Variants in ADAM8 observed in about 807,000 individuals in gnomAD.
ADAM8 encodes the protein ADAM metallopeptidase domain 8, also known as disintegrin and metalloproteinase domain-containing protein 8.
A neutral mutation model predicts 102.4 loss-of-function variants in ADAM8; 104 were observed. The observed-to-expected ratio is 1.02, with a 90% confidence interval of 0.87 to 1.20. ADAM8 has a LOEUF of 1.20. Ranked by LOEUF, ADAM8 falls within the 50% of genes most tolerant of loss-of-function variation. The probability of loss-of-function intolerance (pLI) is 0.00; values close to 1 mark genes in which losing one functional copy is unlikely to be tolerated. For missense variants in ADAM8, 1,132 were observed against 1,159.0 expected, an observed-to-expected ratio of 0.98 and a Z score of 0.34; for synonymous variants, 517 against 485.2, an observed-to-expected ratio of 1.07 and a Z score of -0.86.
chr10:133,265,628 GA>G (rs988619873), intron 21 of ADAM8, among the ~76,000 whole-genome samples: 5 of 148,668 alleles, frequency 3.4e-5, no homozygotes, highest in African/African-American at 9.9e-5. Flanking sequence ...CGTCTCTACT[GA>G]AAAAAAAAAT....
chr10:133,274,139 C>A lies in ADAM8; in HGVS notation c.227+20G>T. On this transcript the variant is annotated intron_variant, in intron 3 of 22. Coordinates refer to ENST00000445355, the MANE Select transcript of ADAM8 (RefSeq NM_001109.5). ...CTGGAGCCAGGCCCGGGCAGGGGGG[C>A]CGACCCGAGACCCACTCACCTGTTC... The A allele has an allele frequency of 6.3e-7, 1 of 1,581,346 alleles. No homozygotes were observed.
chr10:133,269,078 G>C (rs777302854), intron 18 of ADAM8: 12 of 985,370 alleles, frequency 1.2e-5, no homozygotes, highest in Non-Finnish European at 1.4e-5. Context: ...TGTGGGCACG[G>C]CTGTGCCTTT....
chr10:133,263,152 C>T lies in ADAM8; in HGVS notation c.*4G>A. ...CAAATTTCCACACAGGCGCAGGTGC[C>T]CCCCTAGGGTGCTGTGGGAGCTCCG... On this transcript the variant is annotated 3_prime_UTR_variant, in exon 23 of 23. Coordinates refer to ENST00000445355, the MANE Select transcript of ADAM8 (RefSeq NM_001109.5). 1.2e-6 allele frequency: 2 copies of T among 1,614,000 alleles called. No homozygotes were observed. The highest frequency in any genetic ancestry group is 1.7e-6 in the Non-Finnish European group (2 of 1,179,912).
Position 133,272,842 on chromosome 10 carries a change from C to T in ADAM8, c.661G>A (p.Ala221Thr), listed in dbSNP as rs1846594148. The T allele has an allele frequency of 6.2e-7, 1 of 1,611,278 alleles. No homozygotes were observed. The highest frequency in any genetic ancestry group is 8.5e-7 in the Non-Finnish European group (1 of 1,178,866). Residue 221 changes from alanine (A) to threonine (T), a missense_variant, in exon 8 of 23, where the codon GCC becomes ACC. Coordinates refer to ENST00000445355, the MANE Select transcript of ADAM8 (RefSeq NM_001109.5). ...AEFQMLGSEA[A>T]VRHRVLEVVN... Reference sequence around the variant, plus strand: ...ACCTCCAGCACCCGATGACGCACGGCTGCTTCGCTCCCCAGCATCTGGAAC... The same window carrying T: ...ACCTCCAGCACCCGATGACGCACGGTTGCTTCGCTCCCCAGCATCTGGAAC...
chr10:133,269,304 T>C (rs1241033215), intron 18 of ADAM8, 141 bp downstream of exon 18: 3 of 1,272,106 alleles, frequency 2.4e-6, no homozygotes, highest in Non-Finnish European at 3.1e-6. Flanking sequence ...GCTCTGCCTA[T>C]ACCTGTGTGT....
intron 21 of ADAM8, 21 bp downstream of exon 21, chr10:133,267,331 C>G (rs368644961): frequency 1.3e-5 from 21 of 1,599,800 alleles, no homozygotes; most frequent in South Asian, 5.7e-5. Context: ...AAGGCTTGGC[C>G]GCCCAATCAC....
intron 1 of ADAM8, 30 bp downstream of exon 1, chr10:133,276,742 C>G (rs1473283933): frequency 6.5e-7 from 1 of 1,530,716 alleles, no homozygotes; most frequent in Non-Finnish European, 8.8e-7. Flanking sequence ...CCCCGCGCTG[C>G]GCCCGGGACG....
At chr10:133,274,796 CTGG>C (rs1278889607) in intron 2 of ADAM8, 17 of 404,592 alleles carry the variant, frequency 4.2e-5, no homozygotes, top group Non-Finnish European at 7.5e-5. Context: ...GCTGCCGGAC[CTGG>C]TGGTGCCTGC....
In ADAM8 at chr10:133,269,462, A is replaced by G. The variant is rs751981320; in HGVS notation, c.1931T>C (p.Leu644Pro). 3 of 1,599,490 alleles carry G rather than the reference A, an allele frequency of 1.9e-6. No homozygotes were observed. Among genetic ancestry groups the G allele is most frequent in the Non-Finnish European group, 8.5e-7 (1 of 1,177,506 alleles). The change falls in exon 18 of 23, where the codon CTG becomes CCG. Residue 644 changes from leucine (L) to proline (P), a missense_variant. Coordinates refer to ENST00000445355, the MANE Select transcript of ADAM8 (RefSeq NM_001109.5). ...GWAPPHCAKL[L>P]TEVHAASGSL... ...AGGCCTACCTGCGTGCACCTCAGTC[A>G]GCAGCTTCGCGCAGTGGGGCGGGGC...
Position 133,267,950 on chromosome 10 carries a change from A to G in ADAM8, c.2232T>C (p.Ala744=), listed in dbSNP as rs1846378114. ...QPARHPASSV[A]LKRPPPAPPV... is the part of the protein sequence containing the mutation. ...TTACAGCAGGGGGCGGCCTCTTCAG[A>G]GCCACCGAGGAGGCCGGGTGTCGGG... The change falls in exon 20 of 23, where the codon GCT becomes GCC. Residue 744 remains alanine (A), a synonymous_variant. Coordinates refer to ENST00000445355, the MANE Select transcript of ADAM8 (RefSeq NM_001109.5). The G allele has an allele frequency of 1.6e-6, 2 of 1,261,028 alleles. No individual in the cohort carries two copies. Among genetic ancestry groups the G allele is most frequent in the Non-Finnish European group, 2.0e-6 (2 of 996,666 alleles). The allele number at this position is 1,261,028 out of a possible 1,614,324, so 78.1% of individuals were successfully genotyped here. A position where few individuals can be genotyped will look rare whatever the true frequency, so the allele number is the denominator to read the frequency against.
At chr10:133,276,653 G>C in intron 1 of ADAM8, 119 bp downstream of exon 1, 1 of 1,398,138 alleles carries the variant, frequency 7.2e-7, no homozygotes, top group African/African-American at 1.5e-5. Flanking sequence ...GGACCAGCCC[G>C]AAGCCGGGCC....
chr10:133,272,672 A>C (rs532915241), intron 8 of ADAM8, 87 bp from the exon 9 acceptor site: 17 of 1,538,406 alleles, frequency 1.1e-5, no homozygotes, highest in Non-Finnish European at 1.2e-5. Context: ...CACCTGTCCC[A>C]CGGCGAGGTG....
chr10:133,275,129 G>C (rs929539650), intron 2 of ADAM8: 27 of 295,330 alleles, frequency 9.1e-5, no homozygotes, highest in Non-Finnish European at 1.6e-4. Flanking sequence ...CCCCCGCCAG[G>C]CCCCCCCCCC....
chr10:133,274,045 T>C lies in ADAM8; in HGVS notation c.228-16A>G. On this transcript the variant is annotated splice_polypyrimidine_tract_variant and intron_variant, in intron 3 of 22. Coordinates refer to ENST00000445355, the MANE Select transcript of ADAM8 (RefSeq NM_001109.5). ...CAGCAGGTCCCTGGAAAAGAAGTGCTGTGACTGCCTCGGCCCCCTCGGTGC... is the reference window on the plus strand; with the variant it reads ...CAGCAGGTCCCTGGAAAAGAAGTGCCGTGACTGCCTCGGCCCCCTCGGTGC... 6.2e-7 allele frequency: 1 copy of C among 1,601,872 alleles called. No individual in the cohort carries two copies. Among genetic ancestry groups the C allele is most frequent in the Non-Finnish European group, 8.5e-7 (1 of 1,175,788 alleles).
chr10:133,265,067 A>T (rs28712327), intron 21 of ADAM8, among the ~76,000 whole-genome samples: 17 of 77,220 alleles, frequency 2.2e-4, no homozygotes, highest in African/African-American at 9.3e-4. Flanking sequence ...CTCCACGCCC[A>T]GCTCCTGCTG....
In ADAM8 at chr10:133,271,548, A is replaced by T; in HGVS notation, c.1264T>A (p.Cys422Ser). The T allele has an allele frequency of 6.4e-7, 1 of 1,557,924 alleles. No homozygotes were observed. The highest frequency in any genetic ancestry group is 1.3e-5 in the African/African-American group (1 of 74,134). The change falls in exon 12 of 23, where the codon TGC becomes AGC. Residue 422 changes from cysteine to serine, a missense_variant. Transcript: ENST00000445355. ...GNLFVERGEQ[C>S]DCGPPEDCRN... is the part of the protein sequence containing the mutation. The stretch of plus-strand genomic sequence containing the variant: ...CGCACCTCGGGGGGGCCGCAGTCGC[A>T]CTGCTCCCCACGCTCCACAAACAGG...
intron 21 of ADAM8, among the ~76,000 whole-genome samples, chr10:133,265,371 A>T (rs962338890): frequency 6.6e-6 from 1 of 152,250 alleles, no homozygotes; most frequent in East Asian, 1.9e-4. Context: ...CTTGGCCAGA[A>T]ATCTCTCTGC....
rs1156635027 is a variant in ADAM8, at chr10:133,262,899, G to GC, written c.*256dup. On this transcript the variant is annotated 3_prime_UTR_variant, in exon 23 of 23. Transcript: ENST00000445355. ...GAGACACGTACACACACACGCACCCGCAAGCACACAGCTCATCCCAGCCTG... is the reference window on the plus strand; with the variant it reads ...GAGACACGTACACACACACGCACCCGCCAAGCACACAGCTCATCCCAGCCTG... The GC allele has an allele frequency of 1.6e-6, 1 of 615,310 alleles. No individual in the cohort carries two copies. The highest frequency in any genetic ancestry group is 2.9e-6 in the Non-Finnish European group (1 of 341,398). 38.1% of individuals were successfully genotyped at this position (615,310 alleles called of 1,614,324 possible).
In ADAM8 at chr10:133,269,521, G is replaced by C; in HGVS notation, c.1872C>G (p.Asn624Lys). Residue 624 changes from asparagine (N) to lysine (K), a missense_variant, in exon 18 of 23, where the codon AAC becomes AAG. Physicochemically the swap from Asn to Lys is moderately conservative, Grantham distance 94. Coordinates refer to ENST00000445355, the MANE Select transcript of ADAM8 (RefSeq NM_001109.5). ...SAQCHNHGVC[N>K]HKQECHCHAG... ...CGTGGCAGTGGCACTCCTGCTTGTG[G>C]TTGCACACCTGCGGGGACGGCTGGG... 1 of 1,597,730 alleles carries C rather than the reference G, an allele frequency of 6.3e-7. No individual in the cohort carries two copies. The highest frequency in any genetic ancestry group is 8.5e-7 in the Non-Finnish European group (1 of 1,177,712).
Sources: gnomAD v4.1 joint callset for allele counts (sites outside exome capture counted in the v4.1 genomes callset) on GRCh38, gnomAD v4.1.1 for gene constraint, MANE v1.5 for transcripts, NCBI Gene and HGNC (gene_info 2026-07-23, HGNC 2026-07-21) for gene names.